The following MELK variants were observed in gnomAD, a reference collection of about 807,000 sequenced individuals.
The protein encoded by MELK is pEg3 kinase.
A neutral mutation model predicts 85.0 loss-of-function variants in MELK; 81 were observed. That is an observed-to-expected ratio of 0.95 (90% CI 0.80 to 1.15). The LOEUF is 1.15. Ranked by LOEUF, MELK falls within the 50% of genes most tolerant of loss-of-function variation. The pLI is 0.00. For missense variants in MELK, 754 were observed against 777.5 expected, an observed-to-expected ratio of 0.97 and a Z score of 0.36; for synonymous variants, 252 against 265.0, an observed-to-expected ratio of 0.95 and a Z score of 0.48.
chr9:36,621,111 A>T (rs1471079610), intron 8 of MELK, among the ~76,000 whole-genome samples: 1 of 151,310 alleles, frequency 6.6e-6, no homozygotes, highest in African/African-American at 2.4e-5. Context: ...TCTACTAAAA[A>T]TACAAAAAAA....
chr9:36,645,348 T>C (rs1052332951), intron 11 of MELK, among the ~76,000 whole-genome samples: 2 of 151,006 alleles, frequency 1.3e-5, no homozygotes, highest in Non-Finnish European at 2.9e-5. Context: ...TCTCTACCTA[T>C]AATTTTCAGA....
At chr9:36,588,382 C>CTTT (rs113873638) in intron 3 of MELK, among the ~76,000 whole-genome samples, 1 of 130,028 alleles carries the variant, frequency 7.7e-6, no homozygotes, top group Non-Finnish European at 1.6e-5. Context: ...GAGTCCCTCC[C>CTTT]TTTTTTTTTT....
intron 10 of MELK, among the ~76,000 whole-genome samples, chr9:36,636,806 GTCTT>G (rs1554729060): frequency 3.6e-5 from 4 of 112,248 alleles, no homozygotes; most frequent in East Asian, 2.5e-4. Flanking sequence ...CTTTCTTTCT[GTCTT>G]TCTTTCTTTC....
At chr9:36,657,659 C>CA (rs1831386700) in intron 13 of MELK, among the ~76,000 whole-genome samples, 1 of 152,160 alleles carries the variant, frequency 6.6e-6, no homozygotes, top group Non-Finnish European at 1.5e-5. Context: ...GGCACGATCT[C>CA]GGCTCACTGC....
In MELK at chr9:36,665,529, G is replaced by A; in HGVS notation, c.1356G>A (p.Gln452=). The change falls in exon 14 of 18, where the codon CAG becomes CAA. Residue 452 remains glutamine (Q), a synonymous_variant. Transcript: ENST00000298048. ...CAAAGACTCCAGTTAATAAGAACCAGCATAAGAGAGAAATACTCACTACGC... is the reference window on the plus strand; with the variant it reads ...CAAAGACTCCAGTTAATAAGAACCAACATAAGAGAGAAATACTCACTACGC... ...PEPKTPVNKN[Q]HKREILTTPN... 4 of 1,613,828 alleles carry A rather than the reference G, an allele frequency of 2.5e-6. No individual in the cohort carries two copies. The highest frequency in any genetic ancestry group is 2.2e-5 in the East Asian group (1 of 44,804).
chr9:36,627,053 A>AACAAACAC (rs150897870), intron 8 of MELK, among the ~76,000 whole-genome samples: 3 of 140,872 alleles, frequency 2.1e-5, no homozygotes, highest in Non-Finnish European at 3.1e-5. Flanking sequence ...CACAAGCGCA[A>AACAAACAC]ACACACACAC....
chr9:36,619,622 T>A (rs1245797642), intron 8 of MELK, among the ~76,000 whole-genome samples: 1 of 151,640 alleles, frequency 6.6e-6, no homozygotes, highest in Non-Finnish European at 1.5e-5. Flanking sequence ...TAAAAAAAAA[T>A]GGAATGATAA....
At chr9:36,613,192 C>T (rs1299267367) in intron 8 of MELK, among the ~76,000 whole-genome samples, 1 of 152,244 alleles carries the variant, frequency 6.6e-6, no homozygotes, top group Non-Finnish European at 1.5e-5. Flanking sequence ...TACCCTTTCA[C>T]CTGAAATGGT....
At chr9:36,668,623 C>G (rs1171875045) in intron 14 of MELK, among the ~76,000 whole-genome samples, 1 of 151,894 alleles carries the variant, frequency 6.6e-6, no homozygotes, top group Non-Finnish European at 1.5e-5. Flanking sequence ...AGGGATTCTT[C>G]TGCCTCAGCC....
chr9:36,580,391 C>T (rs757091710), intron 1 of MELK, among the ~76,000 whole-genome samples: 2 of 152,018 alleles, frequency 1.3e-5, no homozygotes, highest in Non-Finnish European at 2.9e-5. Context: ...ACAATCTCAG[C>T]TTACTGCAAC....
intron 8 of MELK, among the ~76,000 whole-genome samples, chr9:36,626,194 G>A (rs1476131314): frequency 6.6e-6 from 1 of 152,122 alleles, no homozygotes; most frequent in Non-Finnish European, 1.5e-5. Context: ...CCCACCAAGA[G>A]TTTTGCCTAG....
rs1823324542 is a variant in MELK, at chr9:36,589,623, A to G, written c.232A>G (p.Thr78Ala). The change falls in exon 4 of 18, where the codon ACA becomes GCA. Residue 78 changes from threonine (T) to alanine (A), a missense_variant. Physicochemically the swap from Thr to Ala is moderately conservative, Grantham distance 58. Transcript: ENST00000298048. ...HICQLYHVLE[T>A]ANKIFMVLEY... ...ATGTCAACTCTACCATGTGCTAGAG[A>G]CAGCCAACAAAATATTCATGGTTCT... 1 of 1,612,946 alleles carries G rather than the reference A, an allele frequency of 6.2e-7. No individual in the cohort carries two copies. Among genetic ancestry groups the G allele is most frequent in the African/African-American group, 1.3e-5 (1 of 74,906 alleles).
chr9:36,620,546 TC>T (rs1421633656), intron 8 of MELK, among the ~76,000 whole-genome samples: 7 of 146,252 alleles, frequency 4.8e-5, no homozygotes, highest in Non-Finnish European at 8.9e-5. Flanking sequence ...AGCATTCTCT[TC>T]CTTTTTTTTT....
At chr9:36,669,481 C>A in intron 15 of MELK, 75 bp downstream of exon 15, 1 of 1,017,156 alleles carries the variant, frequency 9.8e-7, no homozygotes, top group South Asian at 1.7e-5. Flanking sequence ...ATTAATAGAC[C>A]TGATTAAGGT....
intron 13 of MELK, among the ~76,000 whole-genome samples, chr9:36,662,266 G>T: frequency 7.0e-6 from 1 of 143,590 alleles, no homozygotes; most frequent in African/African-American, 2.6e-5. Context: ...TTTTTAAGAT[G>T]GAATCTTGCT....
At chr9:36,601,019 T>C (rs1217507974) in intron 7 of MELK, among the ~76,000 whole-genome samples, 1 of 152,186 alleles carries the variant, frequency 6.6e-6, no homozygotes, top group Non-Finnish European at 1.5e-5. Flanking sequence ...TTTATATATA[T>C]GCATGTTTTT....
intron 8 of MELK, among the ~76,000 whole-genome samples, chr9:36,621,440 A>C (rs181906880): frequency 1.6e-4 from 25 of 152,074 alleles, no homozygotes; most frequent in Middle Eastern, 3.4e-3. Flanking sequence ...CTGTTATTTT[A>C]CTTACCTACC....
In MELK at chr9:36,594,749, A is replaced by G. The variant is rs1824003003; in HGVS notation, c.383A>G (p.Tyr128Cys). 1.9e-6 allele frequency: 3 copies of G among 1,613,954 alleles called. No individual in the cohort carries two copies. Among genetic ancestry groups the G allele is most frequent in the Non-Finnish European group, 2.5e-6 (3 of 1,179,976 alleles). Reference protein sequence around the residue: ...SAVAYVHSQGYAHRDLKPENL... With the variant: ...SAVAYVHSQGCAHRDLKPENL... ...GTTGCTTATGTGCACAGCCAGGGCT[A>G]TGCTCACAGGGACCTCAAGCCAGTA... Residue 128 changes from tyrosine to cysteine, a missense_variant, in exon 5 of 18, where the codon TAT becomes TGT. Coordinates refer to ENST00000298048, the MANE Select transcript of MELK (RefSeq NM_014791.4).
chr9:36,646,528 T>G (rs78791973), intron 11 of MELK, among the ~76,000 whole-genome samples: 140 of 152,358 alleles, frequency 9.2e-4, no homozygotes, highest in African/African-American at 3.3e-3. Context: ...CTCATGATTT[T>G]GAGTGATCTC....
Sources: allele counts gnomAD v4.1 joint callset (sites outside exome capture counted in the v4.1 genomes callset), GRCh38; gene constraint gnomAD v4.1.1; transcripts MANE v1.5; gene names NCBI Gene and HGNC (gene_info 2026-07-23, HGNC 2026-07-21).